The following ESS2 variants were observed in gnomAD, a reference collection of about 807,000 sequenced individuals.
The protein encoded by ESS2 is splicing factor ESS-2 homolog.
A neutral mutation model predicts 52.0 loss-of-function variants in ESS2; 31 were observed. The ratio of observed to expected loss-of-function variants is 0.60; its 90% CI spans 0.45 to 0.81. The LOEUF (loss-of-function observed/expected upper bound fraction) is 0.81. ESS2 is among the 30% of genes least tolerant of loss of function. ESS2 has a pLI of 0.00. For synonymous variants in ESS2, 285 were observed against 259.2 expected, an observed-to-expected ratio of 1.10 and a Z score of -0.95; for missense variants, 602 against 637.2, an observed-to-expected ratio of 0.94 and a Z score of 0.59.
Position 19,139,841 on chromosome 22 carries a change from G to A in ESS2, c.570+14C>T. The A allele has an allele frequency of 6.2e-7, 1 of 1,614,002 alleles. No individual in the cohort carries two copies. The highest frequency in any genetic ancestry group is 1.1e-5 in the South Asian group (1 of 91,076). ...GTGCCTACGCCTATGTGACACCCCA[G>A]ACCCCAGAGACACCTTCTCAAACTC... On this transcript the variant is annotated intron_variant, in intron 4 of 9. Coordinates refer to ENST00000252137, the MANE Select transcript of ESS2 (RefSeq NM_022719.3).
chr22:19,143,972 C>G (rs1029913311), intron 1 of ESS2: 42 of 940,354 alleles, frequency 4.5e-5, no homozygotes, highest in Non-Finnish European at 5.3e-5. Flanking sequence ...AGCTGCATAT[C>G]TGGGCACCCA....
chr22:19,140,372 TGGTGCCAGGCCTGTG>T (rs2083664785), intron 3 of ESS2, among the ~76,000 whole-genome samples: 1 of 152,134 alleles, frequency 6.6e-6, no homozygotes, highest in Non-Finnish European at 1.5e-5. Flanking sequence ...CCCACCAAAG[TGGTGCCAGGCCTGTG>T]GGTGCCAGGC....
intron 6 of ESS2, among the ~76,000 whole-genome samples, chr22:19,138,866 G>A (rs528371172): frequency 3.3e-5 from 5 of 152,188 alleles, no homozygotes; most frequent in Admixed American, 1.3e-4. Context: ...CCTGCCCGGT[G>A]TGTGGGCGTG....
rs750597559 is a variant in ESS2 at position 19,132,389 on chromosome 22, G to T, written c.*1807C>A. ...GGCTGCTGGTGGTGCCCGAGAACGA[G>T]AACAGGATGGAGGACAGGCTGGCCG... On this transcript the variant is annotated 3_prime_UTR_variant, in exon 10 of 10. Coordinates refer to ENST00000252137, the MANE Select transcript of ESS2 (RefSeq NM_022719.3). The surrounding 1 kb of genome is among the most constrained non-coding windows in gnomAD (Gnocchi z 4.2). The T allele has an allele frequency of 6.8e-6, 11 of 1,613,076 alleles. No individual in the cohort carries two copies. The highest frequency in any genetic ancestry group is 8.5e-6 in the Non-Finnish European group (10 of 1,180,022).
rs2083504323 is a variant in ESS2, at chr22:19,131,362, G to A, written c.*2834C>T. The stretch of plus-strand genomic sequence containing the variant: ...ATGCCTGCTGGCCCACATGACGGGG[G>A]GATGTAGACGGCAGCGGCGCCAGTC... On this transcript the variant is annotated 3_prime_UTR_variant, in exon 10 of 10. Coordinates refer to ENST00000252137, the MANE Select transcript of ESS2 (RefSeq NM_022719.3). The surrounding 1 kb of genome is among the most constrained non-coding windows in gnomAD (Gnocchi z 5.7). 1 of 1,525,018 alleles carries A rather than the reference G, an allele frequency of 6.6e-7. No homozygotes were observed. The highest frequency in any genetic ancestry group is 8.9e-7 in the Non-Finnish European group (1 of 1,123,344). The allele number at this position is 1,525,018 out of a possible 1,614,324, so 94.5% of individuals were successfully genotyped here.
rs1369482050 is a variant in ESS2, at chr22:19,139,272, G to A, written c.709C>T (p.Leu237=). The A allele has an allele frequency of 1.2e-6, 2 of 1,601,750 alleles. No homozygotes were observed. The highest frequency in any genetic ancestry group is 1.7e-6 in the Non-Finnish European group (2 of 1,173,094). The change falls in exon 6 of 10, where the codon CTG becomes TTG. Residue 237 remains leucine, a synonymous_variant. Transcript: ENST00000252137. ...YPEGVPDEEQ[L]FKKPRQVVHK... ...ACCACCTGCCGGGGCTTCTTAAACA[G>A]CTGCTCCTCGTCAGGGACACCTGGC...
intron 3 of ESS2, among the ~76,000 whole-genome samples, chr22:19,141,447 C>T (rs1186983571): frequency 6.6e-6 from 1 of 152,202 alleles, no homozygotes; most frequent in Non-Finnish European, 1.5e-5. Flanking sequence ...CAACAGGACT[C>T]GGAGTGCCCT....
At chr22:19,143,050 C>A (rs929480643) in intron 1 of ESS2, among the ~76,000 whole-genome samples, 156 bp from the exon 2 acceptor site, 1 of 151,850 alleles carries the variant, frequency 6.6e-6, no homozygotes, top group Non-Finnish European at 1.5e-5. Flanking sequence ...ACTAGAAATA[C>A]AAAAATTAGC....
Position 19,135,083 on chromosome 22 carries a change from C to G in ESS2, c.1128G>C (p.Arg376=). The G allele has an allele frequency of 6.2e-7, 1 of 1,614,048 alleles. No individual in the cohort carries two copies. The highest frequency in any genetic ancestry group is 8.5e-7 in the Non-Finnish European group (1 of 1,180,002). ...KNRAKKQEAL[R]RVTENLASLT... is the part of the protein sequence containing the mutation. ...ACCTGGCCAGATTCTCCGTCACTCT[C>G]CGCAAGGCTTCCTGCTTCTTGGCCC... The change falls in exon 9 of 10, where the codon CGG becomes CGC. Residue 376 remains arginine, a synonymous_variant. Transcript: ENST00000252137.
At chr22:19,137,881 G>A (rs2083611316) in intron 7 of ESS2, 2 of 985,370 alleles carry the variant, frequency 2.0e-6, no homozygotes, top group African/African-American at 3.5e-5. Flanking sequence ...CTGAGGTGCT[G>A]GGCCTCCCTC....
chr22:19,139,770 TG>T, intron 4 of ESS2, 41 bp from the exon 5 acceptor site: 1 of 1,612,778 alleles, frequency 6.2e-7, no homozygotes, highest in East Asian at 2.2e-5. Flanking sequence ...GAGATGCCCC[TG>T]GGCATTGTAC....
rs1363364285 is a variant in ESS2, at chr22:19,131,873, C to T, written c.*2323G>A. ...TCAAGCTGTCTGACTTTGGCTTCTC[C>T]AAGCGCTGCCTGCGGGACAGCAATG... On this transcript the variant is annotated 3_prime_UTR_variant, in exon 10 of 10. Coordinates refer to ENST00000252137, the MANE Select transcript of ESS2 (RefSeq NM_022719.3). This position sits in a 1 kb window ranked among gnomAD's most constrained non-coding sequence, Gnocchi z 5.7. The T allele has an allele frequency of 6.2e-7, 1 of 1,614,058 alleles. No homozygotes were observed. Among genetic ancestry groups the T allele is most frequent in the Non-Finnish European group, 8.5e-7 (1 of 1,180,038 alleles).
Position 19,139,725 on chromosome 22 carries a change from TG to T in ESS2, c.574del (p.Gln192ArgfsTer69). On this transcript the variant is annotated frameshift_variant, in exon 5 of 10. Transcript: ENST00000252137. LOFTEE classifies it high-confidence loss of function. ...YQAEEEFEKRQKDNLELPSAE... is the reference protein window; with the variant it reads ...YQAEEEFEKRXKDNLELPSAE... Reference sequence around the variant, plus strand: ...TGACGGGAGTTCGAGATTATCTTTCTGCCTCTGCAATCACATGGGGAAAAGT... The same window carrying T: ...TGACGGGAGTTCGAGATTATCTTTCTCCTCTGCAATCACATGGGGAAAAGT... 6.2e-7 allele frequency: 1 copy of T among 1,614,218 alleles called. No individual in the cohort carries two copies. The highest frequency in any genetic ancestry group is 8.5e-7 in the Non-Finnish European group (1 of 1,180,030).
In ESS2 at chr22:19,131,439, G is replaced by A. The variant is rs780434649; in HGVS notation, c.*2757C>T. The A allele has an allele frequency of 1.1e-5, 17 of 1,613,476 alleles. No individual in the cohort carries two copies. Among genetic ancestry groups the A allele is most frequent in the Middle Eastern group, 3.3e-4 (2 of 6,084 alleles). On this transcript the variant is annotated 3_prime_UTR_variant, in exon 10 of 10. Transcript: ENST00000252137. The surrounding 1 kb of genome is among the most constrained non-coding windows in gnomAD (Gnocchi z 5.7). ...AGTCCTAAGGAAGAAGGGTTACATC[G>A]TAGGCATCAATCTTGGCAAGGGTTC... is the stretch of plus-strand genomic sequence containing the variant.
Position 19,137,938 on chromosome 22 carries a change from C to T in ESS2, c.925+277G>A, listed in dbSNP as rs143296782. On this transcript the variant is annotated intron_variant, in intron 7 of 9. Coordinates refer to ENST00000252137, the MANE Select transcript of ESS2 (RefSeq NM_022719.3). Reference sequence around the variant, plus strand: ...AGACTCATAAGCACTGTGCACACACCCCCACCCACTGACATCACAGTAAGG... The same window carrying T: ...AGACTCATAAGCACTGTGCACACACTCCCACCCACTGACATCACAGTAAGG... 335 of 985,386 alleles carry T rather than the reference C, an allele frequency of 3.4e-4. No individual in the cohort carries two copies. In the African/African-American group the frequency reaches 5.4e-3, roughly 16 times the overall value. 61.0% of individuals were successfully genotyped at this position (985,386 alleles called of 1,614,324 possible).
Position 19,130,464 on chromosome 22 carries a change from A to G in ESS2, c.*3732T>C. ...AATTTTGTTCCAAGGAGAAGGTCAG[A>G]GGCAAAAAAAATGCTTGCTAAGTCC... On this transcript the variant is annotated 3_prime_UTR_variant, in exon 10 of 10. Transcript: ENST00000252137. 3.4e-6 allele frequency: 1 copy of G among 293,460 alleles called. No individual in the cohort carries two copies. Among genetic ancestry groups the G allele is most frequent in the South Asian group, 3.3e-5 (1 of 30,130 alleles). The allele number at this position is 293,460 out of a possible 1,614,324, so 18.2% of individuals were successfully genotyped here.
chr22:19,138,259 C>G lies in ESS2; in HGVS notation c.881G>C (p.Arg294Pro). Residue 294 changes from arginine (R) to proline (P), a missense_variant, in exon 7 of 10, where the codon CGA becomes CCA. Physicochemically the swap from Arg to Pro is moderately radical, Grantham distance 103. Transcript: ENST00000252137. ...GGCAACAAATCCAAATCCACCCACT[C>G]GAGGGGACTCCTGGGGGATCAGCTC... is the stretch of plus-strand genomic sequence containing the variant. The part of the protein sequence containing the change: ...GKELIPQESP[R>P]VGGFGFVATP... 6.2e-7 allele frequency: 1 copy of G among 1,614,000 alleles called. No individual in the cohort carries two copies.
At chr22:19,139,542 T>C in intron 5 of ESS2, 70 bp downstream of exon 5, 1 of 1,479,268 alleles carries the variant, frequency 6.8e-7, no homozygotes, top group Admixed American at 1.7e-5. Context: ...GGAAGGCTGC[T>C]CCAAACACAG....
chr22:19,144,373 G>T, intron 1 of ESS2, 133 bp downstream of exon 1: 1 of 1,522,404 alleles, frequency 6.6e-7, no homozygotes, highest in Non-Finnish European at 8.8e-7. Flanking sequence ...TACTTGACTC[G>T]TGGGACCGTC....
Sources: allele counts gnomAD v4.1 joint callset (sites outside exome capture counted in the v4.1 genomes callset), GRCh38; gene constraint gnomAD v4.1.1; non-coding constraint Gnocchi (gnomAD v3.1); transcripts MANE v1.5; gene names NCBI Gene and HGNC (gene_info 2026-07-23, HGNC 2026-07-21).